ADGRL2: variants seen among roughly 807,000 people sequenced by gnomAD.
ADGRL2 encodes adhesion G protein-coupled receptor L2.
In ADGRL2, 44 loss-of-function variants were observed where a neutral mutation model predicts 157.4. The ratio of observed to expected loss-of-function variants is 0.28; its 90% CI spans 0.22 to 0.36. ADGRL2 has a LOEUF of 0.36. Among genes scored for constraint, ADGRL2 ranks in the 10% least tolerant of loss-of-function variants. The pLI is 1.00. For synonymous variants in ADGRL2, 585 were observed against 624.7 expected (o/e 0.94, Z 0.95); for missense variants, 1,510 against 1,768.9 (o/e 0.85, Z 2.63).
At chr1:81,929,060 A>G (rs558638215) in intron 3 of ADGRL2, among the ~76,000 whole-genome samples, 7 of 152,340 alleles carry the variant, frequency 4.6e-5, no homozygotes, top group African/African-American at 1.4e-4. Flanking sequence ...ATAATTTCAA[A>G]TTTAAGCAAA....
intron 1 of ADGRL2, among the ~76,000 whole-genome samples, chr1:81,393,795 A>C (rs965590492): frequency 6.6e-5 from 10 of 150,584 alleles, no homozygotes; most frequent in African/African-American, 2.2e-4. Flanking sequence ...TTGAACATCT[A>C]CTATGTTAAT....
Position 81,844,608 on chromosome 1 carries a change from A to G in ADGRL2, c.73+7551A>G, listed in dbSNP as rs1181493982. 2.0e-5 allele frequency among the ~76,000 whole-genome samples: 3 copies of G among 152,216 alleles called. No homozygotes were observed. In the East Asian group the frequency reaches 5.8e-4, roughly 29 times the overall value. On this transcript the variant is annotated intron_variant, in intron 2 of 23. Transcript: ENST00000686636. ...TCTGCAAGACAAAGAATGACATATGACAGCCATGCAAGCTACACATATTAG... is the reference window on the plus strand; with the variant it reads ...TCTGCAAGACAAAGAATGACATATGGCAGCCATGCAAGCTACACATATTAG...
intron 1 of ADGRL2, among the ~76,000 whole-genome samples, chr1:81,368,698 A>T (rs778298067): frequency 1.8e-4 from 28 of 152,164 alleles, no homozygotes; most frequent in Non-Finnish European, 3.7e-4. Flanking sequence ...TTCACACTTT[A>T]CACTGCTACA....
chr1:81,723,054 A>G (rs1026087300), intron 1 of ADGRL2: 23 of 756,454 alleles, frequency 3.0e-5, no homozygotes, highest in South Asian at 1.2e-4. Context: ...TTGTCAGCCA[A>G]TTGGGAGTCA....
At chr1:81,330,212 T>C (rs1366709697) in intron 1 of ADGRL2, among the ~76,000 whole-genome samples, 1 of 152,050 alleles carries the variant, frequency 6.6e-6, no homozygotes, top group African/African-American at 2.4e-5. Flanking sequence ...CTGAAATATG[T>C]TGATGTTTTA....
chr1:81,564,182 G>A (rs1196747305), intron 2 of ADGRL2, among the ~76,000 whole-genome samples: 1 of 152,076 alleles, frequency 6.6e-6, no homozygotes, highest in Non-Finnish European at 1.5e-5. Flanking sequence ...GTACATAGAG[G>A]GTAGATGAAA....
chr1:81,412,240 C>A (rs985252308), intron 1 of ADGRL2, among the ~76,000 whole-genome samples: 2 of 152,282 alleles, frequency 1.3e-5, no homozygotes, highest in East Asian at 3.9e-4. Flanking sequence ...GTTCCAAAGG[C>A]AGTGCATGTA....
intron 1 of ADGRL2, among the ~76,000 whole-genome samples, chr1:81,744,535 T>C (rs1196429161): frequency 6.6e-6 from 1 of 152,132 alleles, no homozygotes; most frequent in East Asian, 1.9e-4. Flanking sequence ...CTGTTGAAGG[T>C]GGAATTTTTA....
rs915037189 is a variant in ADGRL2 at position 81,707,077 on chromosome 1, C to T, written c.-143+7269C>T. Among the ~76,000 whole-genome samples the T allele has an allele frequency of 5.3e-5, 8 of 152,172 alleles. No individual in the cohort carries two copies. In the South Asian group the frequency reaches 6.2e-4, roughly 12 times the overall value. On this transcript the variant is annotated intron_variant, in intron 1 of 20. Coordinates refer to the ADGRL2 transcript ENST00000359929. ...AGTACAAATTTAACTTGGTCTGCCG[C>T]GCTATTTTACCCAACCAGAGGCCTG... is the stretch of plus-strand genomic sequence containing the variant.
chr1:81,967,552 C>T (rs6598975), intron 13 of ADGRL2, among the ~76,000 whole-genome samples: 151,515 of 152,214 alleles, frequency 1, 75,410 homozygotes, highest in Middle Eastern at 1. Context: ...TGAGCCACCG[C>T]GCCCGGCCTA....
At chr1:81,776,051 A>C (rs1267440348) in intron 2 of ADGRL2, among the ~76,000 whole-genome samples, 2 of 152,140 alleles carry the variant, frequency 1.3e-5, no homozygotes, top group Admixed American at 6.5e-5. Flanking sequence ...ATGATTTACT[A>C]TCAGTGCTTC....
chr1:81,895,054 T>G (rs560080126), intron 2 of ADGRL2, among the ~76,000 whole-genome samples: 1 of 152,300 alleles, frequency 6.6e-6, no homozygotes, highest in African/African-American at 2.4e-5. Context: ...CTCATAAGAA[T>G]ATATATGGGG....
intron 2 of ADGRL2, among the ~76,000 whole-genome samples, chr1:81,762,225 A>G (rs2085906317): frequency 6.6e-6 from 1 of 152,156 alleles, no homozygotes; most frequent in South Asian, 2.1e-4. Context: ...ATACAAATTG[A>G]GAGTTGGTAA....
At chr1:81,735,226 AT>A (rs1182775081) in intron 1 of ADGRL2, 7 of 139,570 alleles carry the variant, frequency 5.0e-5, no homozygotes. Flanking sequence ...CATGGAACAG[AT>A]TTTCCATCGA....
chr1:81,867,848 TTTAGA>T (rs751843582), intron 2 of ADGRL2, among the ~76,000 whole-genome samples: 37 of 152,078 alleles, frequency 2.4e-4, no homozygotes, highest in Non-Finnish European at 4.9e-4. Context: ...TCTGTTCTAT[TTTAGA>T]TTATTATCTC....
At chr1:81,530,463 T>C (rs1164025096) in intron 2 of ADGRL2, among the ~76,000 whole-genome samples, 1 of 151,900 alleles carries the variant, frequency 6.6e-6, no homozygotes, top group Non-Finnish European at 1.5e-5. Context: ...TCCTCCCACC[T>C]CAGCTACCTG....
intron 1 of ADGRL2, among the ~76,000 whole-genome samples, chr1:81,831,582 G>C (rs1209374499): frequency 1.3e-5 from 2 of 151,878 alleles, no homozygotes; most frequent in Non-Finnish European, 2.9e-5. Flanking sequence ...TACTTTCCTT[G>C]AGTAGGTTAA....
rs1328550094 is a variant in ADGRL2 at position 81,631,459 on chromosome 1, C to T, written c.-143+50479C>T. 4.6e-5 allele frequency among the ~76,000 whole-genome samples: 7 copies of T among 152,074 alleles called. No individual in the cohort carries two copies. In the East Asian group the frequency reaches 9.7e-4, roughly 21 times the overall value. On this transcript the variant is annotated intron_variant, in intron 3 of 24. Coordinates refer to the ADGRL2 transcript ENST00000370721. The stretch of plus-strand genomic sequence containing the variant: ...CTGGAACTCCTGACCTCAAGTAATC[C>T]GCCTCCCAAAGTGCTGGGATTACAG...
rs2076061313 is a variant in ADGRL2, at chr1:81,366,087, CAT to C, written c.-302+59579_-302+59580del. ...TAGTCTGTTGGTTCTTACAGACTGT[CAT>C]TCTTTTTATACCTTCCTCTTGAAAA... On this transcript the variant is annotated intron_variant, in intron 1 of 24. Coordinates refer to the ADGRL2 transcript ENST00000370721. 2.6e-5 allele frequency among the ~76,000 whole-genome samples: 4 copies of C among 152,114 alleles called. No individual in the cohort carries two copies. In the South Asian group the frequency reaches 8.3e-4, roughly 32 times the overall value.
Sources: allele counts gnomAD v4.1 joint callset (sites outside exome capture counted in the v4.1 genomes callset), GRCh38; gene constraint gnomAD v4.1.1; transcripts MANE v1.5; gene names NCBI Gene and HGNC (gene_info 2026-07-23, HGNC 2026-07-21).